NUP85: variants seen among roughly 807,000 people sequenced by gnomAD.
NUP85 encodes the protein nuclear pore complex protein Nup85.
In NUP85, 23 loss-of-function variants were observed where a neutral mutation model predicts 92.8. The ratio of observed to expected loss-of-function variants is 0.25; its 90% CI spans 0.18 to 0.35. NUP85 has a LOEUF of 0.35. Ranked by LOEUF, NUP85 falls within the 10% of genes least tolerant of loss-of-function variation. NUP85 has a pLI of 1.00. For synonymous variants in NUP85, 314 were observed against 306.9 expected (o/e 1.02, Z -0.24); for missense variants, 759 against 822.8 (o/e 0.92, Z 0.95).
chr17:75,228,080 TGAGTA>T, intron 11 of NUP85: 1 of 482,620 alleles, frequency 2.1e-6, no homozygotes, highest in Non-Finnish European at 2.7e-6. Context: ...TGCCCATAGT[TGAGTA>T]TTCTAAATTT....
rs534855702 is a variant in NUP85, at chr17:75,209,738, G to A, written c.128-85G>A. On this transcript the variant is annotated intron_variant, in intron 2 of 18. Transcript: ENST00000245544. ...ATTATAGGCAAGAGCCACCATGCCC[G>A]GCCACAGAAAATTTTTTTAGAGTAG... The A allele has an allele frequency of 6.0e-5, 71 of 1,178,444 alleles. No homozygotes were observed. In the Middle Eastern group the frequency reaches 8.5e-4, roughly 14 times the overall value. The allele number at this position is 1,178,444 out of a possible 1,614,324, so 73.0% of individuals were successfully genotyped here.
chr17:75,232,381 GC>G (rs1465188212), intron 14 of NUP85, among the ~76,000 whole-genome samples: 1 of 152,150 alleles, frequency 6.6e-6, no homozygotes, highest in Non-Finnish European at 1.5e-5. Context: ...GACCAAGTCT[GC>G]CCCTTCATTT....
chr17:75,233,254 A>C, intron 16 of NUP85, 96 bp downstream of exon 16: 2 of 924,160 alleles, frequency 2.2e-6, no homozygotes, highest in East Asian at 4.9e-5. Flanking sequence ...CGCTTCCTTC[A>C]TGTATTCCCA....
intron 4 of NUP85, among the ~76,000 whole-genome samples, 193 bp downstream of exon 4, chr17:75,212,255 T>G (rs2075296104): frequency 2.7e-4 from 1 of 3,702 alleles, no homozygotes; most frequent in African/African-American, 4.3e-4. Context: ...TTGTTTTTTT[T>G]TTTTTTTTTT....
At chr17:75,228,297 G>A in intron 11 of NUP85, 2 of 985,394 alleles carry the variant, frequency 2.0e-6, no homozygotes, top group Non-Finnish European at 2.4e-6. Flanking sequence ...TCACTCTCGT[G>A]CCGGACACAG....
chr17:75,235,210 C>A lies in NUP85; in HGVS notation c.1869+9C>A. Reference sequence around the variant, plus strand: ...ATACCGAGCAGCTCCAGGTCATTTTCACTTTTGGGTTGATGGTTCCACATG... The same window carrying A: ...ATACCGAGCAGCTCCAGGTCATTTTAACTTTTGGGTTGATGGTTCCACATG... On this transcript the variant is annotated intron_variant, in intron 18 of 18. Coordinates refer to ENST00000245544, the MANE Select transcript of NUP85 (RefSeq NM_024844.5). The A allele has an allele frequency of 2.5e-6, 4 of 1,604,856 alleles. No individual in the cohort carries two copies. The highest frequency in any genetic ancestry group is 3.4e-6 in the Non-Finnish European group (4 of 1,173,940).
intron 7 of NUP85, among the ~76,000 whole-genome samples, chr17:75,223,072 T>G (rs1406151005): frequency 6.7e-6 from 1 of 148,230 alleles, no homozygotes; most frequent in Non-Finnish European, 1.5e-5. Context: ...CCAACAGCAC[T>G]ATAATTCGTG....
At chr17:75,226,282 T>A in intron 11 of NUP85, 125 bp downstream of exon 11, 1 of 684,836 alleles carries the variant, frequency 1.5e-6, no homozygotes, top group South Asian at 1.7e-5. Context: ...TTAGTCCATC[T>A]CACGCTGATA....
At position 75,209,953 on chromosome 17, in the gene NUP85, C is replaced by T. The variant is rs754833978; in HGVS notation, c.258C>T (p.Asp86=). The T allele has an allele frequency of 2.4e-5, 38 of 1,585,374 alleles. No individual in the cohort carries two copies. The highest frequency in any genetic ancestry group is 3.5e-5 in the South Asian group (3 of 84,820). The change falls in exon 3 of 19, where the codon GAC becomes GAT. Residue 86 remains aspartate, a synonymous_variant. Transcript: ENST00000245544. Reference sequence around the variant, plus strand: ...TCTTTCTGGGCCTCCAGAGAATTGACGAAGAGTTGACTGGAAAATCCAGAA... The same window carrying T: ...TCTTTCTGGGCCTCCAGAGAATTGATGAAGAGTTGACTGGAAAATCCAGAA... ...HGIFLGLQRI[D]EELTGKSRKS...
intron 1 of NUP85, chr17:75,208,084 G>C (rs895229099): frequency 5.9e-5 from 9 of 153,428 alleles, no homozygotes; most frequent in Admixed American, 2.0e-4. Context: ...GTGTTATAAG[G>C]AAATGTTATT....
At chr17:75,212,238 T>TTGTTGTTG (rs2075291494) in intron 4 of NUP85, among the ~76,000 whole-genome samples, 176 bp downstream of exon 4, 1 of 7,974 alleles carries the variant, frequency 1.3e-4, no homozygotes, top group African/African-American at 1.7e-4. Flanking sequence ...GGTTTTTTTT[T>TTGTTGTTG]TTGTTGTTGT....
In NUP85 at chr17:75,232,943, G is replaced by T. The variant is rs750992371; in HGVS notation, c.1489G>T (p.Ala497Ser). 6.2e-7 allele frequency: 1 copy of T among 1,614,032 alleles called. No individual in the cohort carries two copies. Among genetic ancestry groups the T allele is most frequent in the African/African-American group, 1.3e-5 (1 of 74,938 alleles). Reference protein sequence around the residue: ...LSWSIRAKDAAFATLVSDRFL... With the variant: ...LSWSIRAKDASFATLVSDRFL... Reference sequence around the variant, plus strand: ...TTGGAGCATCCGTGCTAAGGATGCCGCCTTTGCCACGCTCGTGTCAGACAG... The same window carrying T: ...TTGGAGCATCCGTGCTAAGGATGCCTCCTTTGCCACGCTCGTGTCAGACAG... The change falls in exon 15 of 19, where the codon GCC becomes TCC. Residue 497 changes from alanine (A) to serine (S), a missense_variant. Transcript: ENST00000245544.
Position 75,235,612 on chromosome 17 carries a change from TGA to T in NUP85, c.1907_1908del (p.Arg636ThrfsTer?), listed in dbSNP as rs1224671340. The stretch of plus-strand genomic sequence containing the variant: ...ATAGAGACCACCAAGGTGGAAATGC[TGA>T]GACTTTCTCTGGCACGAAATCTTGC... On this transcript the variant is annotated frameshift_variant, in exon 19 of 19. Transcript: ENST00000245544. LOFTEE classifies it high-confidence loss of function. The T allele has an allele frequency of 2.5e-6, 4 of 1,614,016 alleles. No individual in the cohort carries two copies. The highest frequency in any genetic ancestry group is 2.5e-6 in the Non-Finnish European group (3 of 1,179,958).
At chr17:75,217,584 A>G (rs1211160658) in intron 6 of NUP85, among the ~76,000 whole-genome samples, 1 of 152,038 alleles carries the variant, frequency 6.6e-6, no homozygotes, top group African/African-American at 2.4e-5. Context: ...ATCTTGGCTC[A>G]CTGCAACCTC....
Position 75,233,255 on chromosome 17 carries a change from T to G in NUP85, c.1615+97T>G. 3 of 926,156 alleles carry G rather than the reference T, an allele frequency of 3.2e-6. No individual in the cohort carries two copies. The Admixed American group carries it at 5.9e-5, about 18-fold the overall frequency. 57.4% of individuals were successfully genotyped at this position (926,156 alleles called of 1,614,324 possible). A position where few individuals can be genotyped will look rare whatever the true frequency, so the allele number is the denominator to read the frequency against. Reference sequence around the variant, plus strand: ...CAGACTTCTCCCAGCGCTTCCTTCATGTATTCCCATTGCATCAGTGGTCCC... The same window carrying G: ...CAGACTTCTCCCAGCGCTTCCTTCAGGTATTCCCATTGCATCAGTGGTCCC... On this transcript the variant is annotated intron_variant, in intron 16 of 18. Transcript: ENST00000245544.
chr17:75,232,057 C>T, intron 14 of NUP85, 78 bp downstream of exon 14: 1 of 1,479,606 alleles, frequency 6.8e-7, no homozygotes, highest in Non-Finnish European at 9.2e-7. Flanking sequence ...TTTATGCCTA[C>T]CCCAGCCATC....
Position 75,215,649 on chromosome 17 carries a change from T to C in NUP85, c.406-105T>C, listed in dbSNP as rs2075407570. On this transcript the variant is annotated intron_variant, in intron 5 of 18. Transcript: ENST00000245544. The stretch of plus-strand genomic sequence containing the variant: ...CAGTAGGATTGCAGTAACCTTTGGG[T>C]TAAGGAATGACTGTCATATGAGTCA... 7 of 1,022,832 alleles carry C rather than the reference T, an allele frequency of 6.8e-6. No individual in the cohort carries two copies. In the Admixed American group the frequency reaches 1.4e-4, roughly 20 times the overall value. The allele number at this position is 1,022,832 out of a possible 1,614,324, so 63.4% of individuals were successfully genotyped here. A position where few individuals can be genotyped will look rare whatever the true frequency, so the allele number is the denominator to read the frequency against.
intron 11 of NUP85, among the ~76,000 whole-genome samples, chr17:75,230,074 T>C (rs1319561744): frequency 1.3e-5 from 2 of 150,086 alleles, no homozygotes; most frequent in Admixed American, 6.7e-5. Context: ...GACAGAGTCT[T>C]GCCCTGTCAC....
intron 1 of NUP85, chr17:75,208,279 T>TTA: frequency 3.0e-6 from 1 of 329,240 alleles, no homozygotes; most frequent in Admixed American, 5.7e-5. Context: ...CTACTAAAAA[T>TTA]GAAAAAAAAA....
Sources: gnomAD v4.1 joint callset for allele counts (sites outside exome capture counted in the v4.1 genomes callset) on GRCh38, gnomAD v4.1.1 for gene constraint, MANE v1.5 for transcripts, NCBI Gene and HGNC (gene_info 2026-07-23, HGNC 2026-07-21) for gene names.